CSMD1: variants seen among roughly 807,000 people sequenced by gnomAD.
CSMD1 encodes the protein CUB and sushi domain-containing protein 1.
A neutral mutation model predicts 417.5 loss-of-function variants in CSMD1; 213 were observed. The observed-to-expected ratio is 0.51, with a 90% CI of 0.46 to 0.57. The LOEUF (loss-of-function observed/expected upper bound fraction) is 0.57, where lower values mean the gene tolerates loss of function less well. Ranked by LOEUF, CSMD1 falls within the 20% of genes least tolerant of loss-of-function variation. The pLI, the probability that CSMD1 is intolerant of heterozygous loss-of-function variation, is 0.00. For missense variants in CSMD1, 6,923 were observed against 4,529.7 expected (o/e 1.53, Z -15.17); for synonymous variants, 2,862 against 1,736.8 (o/e 1.65, Z -16.11).
chr8:3,845,883 A>G (rs1279926706), intron 5 of CSMD1, among the ~76,000 whole-genome samples: 1 of 151,840 alleles, frequency 6.6e-6, no homozygotes, highest in Non-Finnish European at 1.5e-5. Flanking sequence ...ACACAAACAC[A>G]CACGTTGTCC....
intron 3 of CSMD1, among the ~76,000 whole-genome samples, chr8:4,242,131 T>G (rs1340490317): frequency 6.6e-6 from 1 of 152,252 alleles, no homozygotes. Flanking sequence ...GAATTATATG[T>G]CTTTCTTAGC....
At chr8:4,045,488 C>G (rs948072542) in intron 3 of CSMD1, among the ~76,000 whole-genome samples, 1 of 152,134 alleles carries the variant, frequency 6.6e-6, no homozygotes, top group Non-Finnish European at 1.5e-5. Flanking sequence ...ACACTGTCCC[C>G]AGTTGGGGGA....
chr8:3,735,395 A>G (rs769545481), intron 6 of CSMD1, among the ~76,000 whole-genome samples: 2 of 152,244 alleles, frequency 1.3e-5, no homozygotes, highest in East Asian at 1.9e-4. Context: ...GAGCAACTGT[A>G]TAATTTACAA....
chr8:3,284,098 A>G (rs1425191793), intron 26 of CSMD1, 46 bp downstream of exon 26: 1 of 1,396,832 alleles, frequency 7.2e-7, no homozygotes, highest in Non-Finnish European at 9.9e-7. Context: ...TGTTCATGAC[A>G]AGACTTTGAT....
chr8:4,887,881 C>T (rs558304473), intron 1 of CSMD1, among the ~76,000 whole-genome samples: 79 of 151,926 alleles, frequency 5.2e-4, no homozygotes, highest in Admixed American at 2.1e-3. Flanking sequence ...TTGCATAATG[C>T]GTTAGTTTTC....
At chr8:3,679,074 A>T (rs531946545) in intron 7 of CSMD1, among the ~76,000 whole-genome samples, 1 of 152,328 alleles carries the variant, frequency 6.6e-6, no homozygotes, top group African/African-American at 2.4e-5. Flanking sequence ...AGCCACTGCA[A>T]AAACATGCCA....
At chr8:4,229,531 T>C (rs1480405056) in intron 3 of CSMD1, among the ~76,000 whole-genome samples, 1 of 152,216 alleles carries the variant, frequency 6.6e-6, no homozygotes, top group African/African-American at 2.4e-5. Context: ...TTTTTTCCTC[T>C]TATTTCTCAC....
intron 5 of CSMD1, among the ~76,000 whole-genome samples, chr8:3,926,053 T>TACACACACACACACACAAACACCACAC (rs1563218050): frequency 3.4e-5 from 3 of 87,892 alleles, no homozygotes; most frequent in East Asian, 6.1e-4. Context: ...AAACACCATA[T>TACACACACACACACACAAACACCACAC]ACACACACAC....
chr8:3,351,703 T>A (rs1410670745), intron 21 of CSMD1, among the ~76,000 whole-genome samples: 1 of 148,744 alleles, frequency 6.7e-6, no homozygotes, highest in African/African-American at 2.4e-5. Flanking sequence ...TACGAATAAT[T>A]GTATATAGAA....
chr8:3,537,099 G>A (rs1195713103), intron 10 of CSMD1, among the ~76,000 whole-genome samples: 1 of 152,056 alleles, frequency 6.6e-6, no homozygotes, highest in Non-Finnish European at 1.5e-5. Flanking sequence ...CGCCTCCTGG[G>A]TTCCAGCAAT....
chr8:4,094,508 G>A (rs998186228), intron 3 of CSMD1, among the ~76,000 whole-genome samples: 3 of 152,182 alleles, frequency 2.0e-5, no homozygotes, highest in Non-Finnish European at 4.4e-5. Flanking sequence ...ACGCAGGGTG[G>A]AGGAATCTAA....
chr8:4,370,720 A>T (rs1802346225), intron 3 of CSMD1, among the ~76,000 whole-genome samples: 1 of 152,202 alleles, frequency 6.6e-6, no homozygotes, highest in African/African-American at 2.4e-5. Context: ...TCGGTCTGTT[A>T]TACAGTTAAT....
At chr8:3,897,790 T>C (rs1285071353) in intron 5 of CSMD1, among the ~76,000 whole-genome samples, 1 of 152,182 alleles carries the variant, frequency 6.6e-6, no homozygotes, top group Non-Finnish European at 1.5e-5. Flanking sequence ...TTGGCCCAGA[T>C]GGGCTATTTG....
At chr8:4,743,361 A>T (rs1284383431) in intron 1 of CSMD1, among the ~76,000 whole-genome samples, 2 of 152,160 alleles carry the variant, frequency 1.3e-5, no homozygotes, top group Non-Finnish European at 2.9e-5. Flanking sequence ...GCCCAACAAA[A>T]AACGTTCACA....
chr8:4,430,767 A>C (rs1169397380), intron 2 of CSMD1, among the ~76,000 whole-genome samples: 2 of 152,178 alleles, frequency 1.3e-5, no homozygotes, highest in Non-Finnish European at 2.9e-5. Flanking sequence ...GTTTATGACA[A>C]TCAAACCATT....
chr8:3,144,715 T>C (rs1224437686), intron 40 of CSMD1, among the ~76,000 whole-genome samples: 1 of 151,070 alleles, frequency 6.6e-6, no homozygotes, highest in African/African-American at 2.4e-5. Context: ...TGTTTCTAAA[T>C]TCCAGAAAAT....
rs749518540 is a variant in CSMD1, at chr8:4,059,462, TAG to T, written c.416-27365_416-27364del. On this transcript the variant is annotated intron_variant, in intron 3 of 69. Transcript: ENST00000635120. ...AAAATCAGAGCAGAACTGAAGGAAA[TAG>T]AGATGCAAATAACCCTTCAAAAAAT... Among the ~76,000 whole-genome samples the T allele has an allele frequency of 5.3e-3, 803 of 152,016 alleles. 1 individual carries two copies. In the Middle Eastern group the frequency reaches 0.055, roughly 10 times the overall value.
At chr8:4,311,746 A>C (rs1240370463) in intron 3 of CSMD1, among the ~76,000 whole-genome samples, 2 of 142,420 alleles carry the variant, frequency 1.4e-5, no homozygotes, top group African/African-American at 2.7e-5. Flanking sequence ...AAAAAGTAGA[A>C]TCTAAATTAT....
chr8:4,264,059 G>A (rs1804072685), intron 3 of CSMD1, among the ~76,000 whole-genome samples: 2 of 152,110 alleles, frequency 1.3e-5, no homozygotes, highest in Non-Finnish European at 2.9e-5. Flanking sequence ...TTAACTACCT[G>A]AGCCTCATCT....
Sources: gnomAD v4.1 joint callset for allele counts (sites outside exome capture counted in the v4.1 genomes callset) on GRCh38, gnomAD v4.1.1 for gene constraint, MANE v1.5 for transcripts, NCBI Gene and HGNC (gene_info 2026-07-23, HGNC 2026-07-21) for gene names.